The following SHISA5 variants were observed in gnomAD, a reference collection of about 807,000 sequenced individuals.
SHISA5 encodes protein shisa-5.
Under a neutral mutation model 27.5 loss-of-function variants are expected in SHISA5, and 21 were observed. The ratio of observed to expected loss-of-function variants is 0.76; its 90% CI spans 0.54 to 1.10. The LOEUF (loss-of-function observed/expected upper bound fraction) is 1.10, where lower values mean the gene tolerates loss of function less well. Among genes scored for constraint, SHISA5 ranks in the 50% least tolerant of loss-of-function variants. The probability of loss-of-function intolerance (pLI) is 0.00; values close to 1 mark genes in which losing one functional copy is unlikely to be tolerated. For synonymous variants in SHISA5, 137 were observed against 142.2 expected, an observed-to-expected ratio of 0.96 and a Z score of 0.26; for missense variants, 314 against 336.3, an observed-to-expected ratio of 0.93 and a Z score of 0.52.
chr3:48,492,943 G>C (rs2041475028), intron 2 of SHISA5, among the ~76,000 whole-genome samples: 1 of 147,432 alleles, frequency 6.8e-6, no homozygotes, highest in Non-Finnish European at 1.5e-5. Flanking sequence ...TAAACCTCCT[G>C]CCTCTAGGAC....
chr3:48,486,465 AATTAT>A (rs1282751605), intron 2 of SHISA5, among the ~76,000 whole-genome samples: 6 of 103,334 alleles, frequency 5.8e-5, no homozygotes, highest in African/African-American at 2.1e-4. Context: ...ATATATTTAT[AATTAT>A]ATTATATATA....
intron 2 of SHISA5, among the ~76,000 whole-genome samples, chr3:48,495,548 CT>C (rs1291449691): frequency 6.9e-6 from 1 of 145,740 alleles, no homozygotes; most frequent in Non-Finnish European, 1.5e-5. Context: ...GGGATGGAGT[CT>C]CTCTCTCTGT....
chr3:48,470,253 C>T lies in SHISA5; in HGVS notation c.315-410G>A, dbSNP rs2040558773. On this transcript the variant is annotated intron_variant, in intron 3 of 5. Transcript: ENST00000296444. The surrounding 1 kb of genome is among the most constrained non-coding windows in gnomAD (Gnocchi z 4.3). ...GCCAGCCCTGGCCTCTGGGAGCCCA[C>T]AGTCCAGTGTAGGAGGCAGACAGTG... Among the ~76,000 whole-genome samples, 1 of 152,260 alleles carries T rather than the reference C, an allele frequency of 6.6e-6. No individual in the cohort carries two copies. Among genetic ancestry groups the T allele is most frequent in the South Asian group, 2.1e-4 (1 of 4,836 alleles).
At position 48,469,953 on chromosome 3, in the gene SHISA5, A is replaced by G. The variant is rs1158765865; in HGVS notation, c.315-110T>C. 3 of 1,387,494 alleles carry G rather than the reference A, an allele frequency of 2.2e-6. No homozygotes were observed. Among genetic ancestry groups the G allele is most frequent in the African/African-American group, 1.4e-5 (1 of 69,074 alleles). 85.9% of individuals were successfully genotyped at this position (1,387,494 alleles called of 1,614,324 possible). ...CAGAAGGGGTCTGGGCAATACAGTT[A>G]TAGCTACTTCCTTGTCGGGTGGCCT... On this transcript the variant is annotated intron_variant, in intron 3 of 5. Coordinates refer to ENST00000296444, the MANE Select transcript of SHISA5 (RefSeq NM_016479.6). The surrounding 1 kb of genome is among the most constrained non-coding windows in gnomAD (Gnocchi z 4.6).
chr3:48,498,120 T>C (rs79761834), intron 2 of SHISA5, among the ~76,000 whole-genome samples: 2,647 of 152,316 alleles, frequency 0.017, 70 homozygotes, highest in African/African-American at 0.056. Context: ...TACAGTCATC[T>C]CTACAAATGC....
At chr3:48,472,492 T>A (rs2040669818) in intron 3 of SHISA5, among the ~76,000 whole-genome samples, 1 of 152,038 alleles carries the variant, frequency 6.6e-6, no homozygotes, top group South Asian at 2.1e-4. Flanking sequence ...CGAGACTCTG[T>A]CTCCAAAAAA....
At chr3:48,472,470 TG>T (rs1467563448) in intron 3 of SHISA5, among the ~76,000 whole-genome samples, 1 of 152,248 alleles carries the variant, frequency 6.6e-6, no homozygotes, top group African/African-American at 2.4e-5. Context: ...CACTCCTGCC[TG>T]GGTGACAGAG....
At chr3:48,503,199 G>A in intron 1 of SHISA5, 1 of 1,289,282 alleles carries the variant, frequency 7.8e-7, no homozygotes. Context: ...TAGGGCTGAA[G>A]ACACACCGGT....
At chr3:48,503,991 G>T (rs1472964368) in intron 1 of SHISA5, 28 bp downstream of exon 1, 2 of 1,458,020 alleles carry the variant, frequency 1.4e-6, no homozygotes, top group South Asian at 2.7e-5. Context: ...TCCCAGGGCA[G>T]GACGGGCCGC....
chr3:48,483,797 C>T (rs2041110386), intron 2 of SHISA5, among the ~76,000 whole-genome samples: 1 of 149,952 alleles, frequency 6.7e-6, no homozygotes, highest in East Asian at 2.0e-4. Context: ...CCGGACGGGG[C>T]GGCTGGCCGG....
In SHISA5 at chr3:48,473,854, A is replaced by G. The variant is rs2040728594; in HGVS notation, c.315-4011T>C. Reference sequence around the variant, plus strand: ...GGCTTTTGGGAAGCTTGAGCCCAGGAGTTCGAGACCAGCCTGGGCAACATG... The same window carrying G: ...GGCTTTTGGGAAGCTTGAGCCCAGGGGTTCGAGACCAGCCTGGGCAACATG... On this transcript the variant is annotated intron_variant, in intron 3 of 5. Transcript: ENST00000296444. The surrounding 1 kb of genome is among the most constrained non-coding windows in gnomAD (Gnocchi z 4.3). Among the ~76,000 whole-genome samples the G allele has an allele frequency of 6.6e-6, 1 of 152,124 alleles. No homozygotes were observed. Among genetic ancestry groups the G allele is most frequent in the Non-Finnish European group, 1.5e-5 (1 of 68,018 alleles).
rs978626329 is a variant in SHISA5 at position 48,492,843 on chromosome 3, T to G, written c.233+8294A>C. Reference sequence around the variant, plus strand: ...GGGCAGATTAGCATCCAAGATGGAGTTGTTTTCAGCCTCCACAAACAGGGA... The same window carrying G: ...GGGCAGATTAGCATCCAAGATGGAGGTGTTTTCAGCCTCCACAAACAGGGA... On this transcript the variant is annotated intron_variant, in intron 2 of 5. Transcript: ENST00000296444. Among the ~76,000 whole-genome samples the G allele has an allele frequency of 3.3e-3, 485 of 146,652 alleles. 79 individuals carry two copies. The highest frequency in any genetic ancestry group is 0.012 in the African/African-American group (436 of 36,766).
intron 2 of SHISA5, among the ~76,000 whole-genome samples, chr3:48,494,586 AC>A (rs2041501157): frequency 6.8e-6 from 1 of 147,520 alleles, no homozygotes; most frequent in Admixed American, 6.6e-5. Context: ...GAGCCACTGC[AC>A]CCAGCCAATT....
intron 2 of SHISA5, among the ~76,000 whole-genome samples, chr3:48,492,750 G>C (rs1376577317): frequency 6.8e-6 from 1 of 147,602 alleles, no homozygotes; most frequent in Non-Finnish European, 1.5e-5. Context: ...CTAAGGGCAG[G>C]ATTTATGGTA....
intron 2 of SHISA5, among the ~76,000 whole-genome samples, chr3:48,491,733 G>GC (rs765759213): frequency 5.4e-4 from 82 of 151,886 alleles, no homozygotes; most frequent in Middle Eastern, 3.4e-3. Flanking sequence ...TGCAACCTCT[G>GC]CCCCCACCAA....
At chr3:48,497,497 G>A (rs1575331284) in intron 2 of SHISA5, among the ~76,000 whole-genome samples, 1 of 151,198 alleles carries the variant, frequency 6.6e-6, no homozygotes, top group Admixed American at 6.6e-5. Context: ...TCCTGACCTC[G>A]TGACCCACCC....
chr3:48,488,574 C>T (rs964594402), intron 2 of SHISA5, among the ~76,000 whole-genome samples: 3 of 148,270 alleles, frequency 2.0e-5, no homozygotes, highest in Admixed American at 6.7e-5. Flanking sequence ...TGGCTCACGC[C>T]TGTAATCCCA....
intron 2 of SHISA5, among the ~76,000 whole-genome samples, chr3:48,487,597 C>CA (rs1560129564): frequency 2.0e-5 from 3 of 151,852 alleles, no homozygotes; most frequent in East Asian, 1.9e-4. Context: ...CTCACACACA[C>CA]AAAAAAAGAA....
chr3:48,494,688 C>T lies in SHISA5; in HGVS notation c.233+6449G>A, dbSNP rs2041502739. On this transcript the variant is annotated intron_variant, in intron 2 of 5. Transcript: ENST00000296444. Reference sequence around the variant, plus strand: ...TCCTGATGGACAGGTAGATTGATTGCATACTTTGGCTATTGTGATAATGCT... The same window carrying T: ...TCCTGATGGACAGGTAGATTGATTGTATACTTTGGCTATTGTGATAATGCT... Among the ~76,000 whole-genome samples, 2 of 147,532 alleles carry T rather than the reference C, an allele frequency of 1.4e-5. 1 individual carries two copies. Among genetic ancestry groups the T allele is most frequent in the African/African-American group, 5.4e-5 (2 of 37,322 alleles).
Sources: allele counts gnomAD v4.1 joint callset (sites outside exome capture counted in the v4.1 genomes callset), GRCh38; gene constraint gnomAD v4.1.1; non-coding constraint Gnocchi (gnomAD v3.1); transcripts MANE v1.5; gene names NCBI Gene and HGNC (gene_info 2026-07-23, HGNC 2026-07-21).